RASA1: variants seen among roughly 807,000 people sequenced by gnomAD.
The protein encoded by RASA1 is RAS p21 protein activator 1, also known as ras GTPase-activating protein 1.
A neutral mutation model predicts 132.2 loss-of-function variants in RASA1; 25 were observed. The ratio of observed to expected loss-of-function variants is 0.19; its 90% confidence interval spans 0.14 to 0.26. RASA1 has a LOEUF of 0.26. Ranked by LOEUF, RASA1 falls within the 10% of genes least tolerant of loss-of-function variation. The pLI, the probability that RASA1 is intolerant of heterozygous loss-of-function variation, is 1.00. For missense variants in RASA1, 964 were observed against 1,299.2 expected, an observed-to-expected ratio of 0.74 and a Z score of 3.97; for synonymous variants, 477 against 449.9, an observed-to-expected ratio of 1.06 and a Z score of -0.76.
chr5:87,346,252 A>C (rs1349896307), intron 6 of RASA1, among the ~76,000 whole-genome samples: 3 of 151,972 alleles, frequency 2.0e-5, no homozygotes, highest in African/African-American at 7.2e-5. Flanking sequence ...TCTTGATTTT[A>C]TTTGAGGAGA....
rs192617824 is a variant in RASA1, at chr5:87,294,963, A to G, written c.539+25973A>G. Among the ~76,000 whole-genome samples the G allele has an allele frequency of 2.0e-5, 3 of 152,272 alleles. No individual in the cohort carries two copies. The East Asian group carries it at 5.8e-4, about 29-fold the overall frequency. The stretch of plus-strand genomic sequence containing the variant: ...GAGCCATGTTGAAATCTCAACTCTA[A>G]TAGTGCATTTATGTATTTCCTCTTG... On this transcript the variant is annotated intron_variant, in intron 1 of 24. Transcript: ENST00000274376.
At chr5:87,296,657 C>CT (rs1755133753) in intron 1 of RASA1, among the ~76,000 whole-genome samples, 1 of 152,030 alleles carries the variant, frequency 6.6e-6, no homozygotes, top group Non-Finnish European at 1.5e-5. Context: ...TGCATTGTTT[C>CT]TAAGGAGAAG....
At chr5:87,377,513 T>C (rs1414521615) in intron 17 of RASA1, among the ~76,000 whole-genome samples, 3 of 152,102 alleles carry the variant, frequency 2.0e-5, no homozygotes, top group African/African-American at 7.2e-5. Flanking sequence ...TATTTTATTT[T>C]TTTAGTAGAG....
At chr5:87,341,428 T>A in intron 6 of RASA1, 107 bp downstream of exon 6, 2 of 633,706 alleles carry the variant, frequency 3.2e-6, no homozygotes, top group Non-Finnish European at 4.6e-6. Context: ...TGGACTGACT[T>A]AACTTTTAAA....
chr5:87,350,668 A>G (rs982009247), intron 8 of RASA1, among the ~76,000 whole-genome samples: 1 of 151,526 alleles, frequency 6.6e-6, no homozygotes, highest in African/African-American at 2.4e-5. Flanking sequence ...GAAGTATTTT[A>G]AGTAGATTTC....
chr5:87,372,230 C>T (rs767775204), intron 13 of RASA1, 35 bp downstream of exon 13: 1 of 1,571,944 alleles, frequency 6.4e-7, no homozygotes. Flanking sequence ...TTAATTGTCA[C>T]ATTTTGCTCT....
At chr5:87,338,536 A>ATT (rs1232583853) in intron 5 of RASA1, among the ~76,000 whole-genome samples, 6,371 of 84,936 alleles carry the variant, frequency 0.075, 509 homozygotes, top group Non-Finnish European at 0.1. Flanking sequence ...TATATATAAA[A>ATT]TTTTTTTTTT....
intron 1 of RASA1, chr5:87,318,662 C>T (rs946188984): frequency 1.3e-5 from 2 of 152,232 alleles, no homozygotes; most frequent in Non-Finnish European, 2.9e-5. Flanking sequence ...ATCCAATCAC[C>T]TCCTACCAGG....
At chr5:87,274,572 A>G (rs1187876583) in intron 1 of RASA1, among the ~76,000 whole-genome samples, 1 of 152,178 alleles carries the variant, frequency 6.6e-6, no homozygotes, top group African/African-American at 2.4e-5. Flanking sequence ...TTGCAAGAGT[A>G]AAATGCCCCT....
intron 11 of RASA1, chr5:87,366,347 AC>A (rs1350231354): frequency 7.0e-6 from 3 of 430,614 alleles, no homozygotes; most frequent in African/African-American, 6.1e-5. Context: ...GTTTATATGA[AC>A]AGATGCAGTT....
chr5:87,282,401 T>A (rs1754357330), intron 1 of RASA1, among the ~76,000 whole-genome samples: 1 of 152,248 alleles, frequency 6.6e-6, no homozygotes, highest in African/African-American at 2.4e-5. Context: ...TTTTCTTCTG[T>A]CCTTTGTGGT....
intron 6 of RASA1, among the ~76,000 whole-genome samples, chr5:87,345,857 C>T (rs936899650): frequency 2.6e-5 from 4 of 151,938 alleles, no homozygotes; most frequent in Admixed American, 6.6e-5. Context: ...GATAGGTGAT[C>T]GGGAATTGTC....
intron 8 of RASA1, among the ~76,000 whole-genome samples, chr5:87,350,772 G>C (rs979300523): frequency 2.7e-5 from 4 of 150,564 alleles, no homozygotes; most frequent in Admixed American, 1.3e-4. Flanking sequence ...CATTCCCCCA[G>C]AACTTTGATT....
At position 87,362,667 on chromosome 5, in the gene RASA1, A is replaced by G; in HGVS notation, c.1449A>G (p.Lys483=). The G allele has an allele frequency of 6.2e-7, 1 of 1,606,016 alleles. No individual in the cohort carries two copies. Among genetic ancestry groups the G allele is most frequent in the South Asian group, 1.1e-5 (1 of 90,872 alleles). ...TTGTTAAGAAAGGTTATCTTCTGAA[A>G]AAGGGTAAGTTCAGACTTTTATCAT... The part of the protein sequence containing the change: ...KNIVKKGYLL[K]KGKGKRWKNL... Residue 483 remains lysine, a synonymous_variant, in exon 10 of 25, where the codon AAA becomes AAG. Transcript: ENST00000274376.
At chr5:87,339,080 T>A (rs1758251216) in intron 5 of RASA1, among the ~76,000 whole-genome samples, 1 of 152,168 alleles carries the variant, frequency 6.6e-6, no homozygotes, top group South Asian at 2.1e-4. Context: ...TTCTGTTGTC[T>A]TTTACAGCCT....
In RASA1 at chr5:87,365,384, G is replaced by A. The variant is rs142092298; in HGVS notation, c.1610+1880G>A. Among the ~76,000 whole-genome samples the A allele has an allele frequency of 3.3e-3, 501 of 152,156 alleles. 4 individuals carry two copies. Among genetic ancestry groups the A allele is most frequent in the African/African-American group, 0.012 (479 of 41,542 alleles). ...AGCTCTTTATAGTGGCTATACCTCA[G>A]TACTTCCTACTTTCTTGTTCAATCA... On this transcript the variant is annotated intron_variant, in intron 11 of 24. Transcript: ENST00000274376.
At position 87,376,903 on chromosome 5, in the gene RASA1, A is replaced by G. The variant is rs1403332745; in HGVS notation, c.2207A>G (p.His736Arg). ...FKELILQKEL[H>R]VVYALSHVCG... Reference sequence around the variant, plus strand: ...TAGCTTATACTGCAAAAGGAACTTCATGTAGTCTATGCTTTATCACATGTA... The same window carrying G: ...TAGCTTATACTGCAAAAGGAACTTCGTGTAGTCTATGCTTTATCACATGTA... The change falls in exon 17 of 25, where the codon CAT becomes CGT. Residue 736 changes from histidine (H) to arginine (R), a missense_variant. Transcript: ENST00000274376. 6.2e-7 allele frequency: 1 copy of G among 1,608,788 alleles called. No homozygotes were observed. Among genetic ancestry groups the G allele is most frequent in the African/African-American group, 1.3e-5 (1 of 74,938 alleles).
chr5:87,345,079 T>G (rs961105445), intron 6 of RASA1, among the ~76,000 whole-genome samples: 4 of 152,044 alleles, frequency 2.6e-5, no homozygotes, highest in Non-Finnish European at 5.9e-5. Context: ...GCTCAAGAGA[T>G]CCTCCTGCCT....
intron 1 of RASA1, among the ~76,000 whole-genome samples, chr5:87,312,239 A>G (rs945301662): frequency 2.0e-5 from 3 of 152,214 alleles, no homozygotes; most frequent in East Asian, 1.9e-4. Context: ...AATAGTCTTC[A>G]TATACTATGA....
Sources: allele counts gnomAD v4.1 joint callset (sites outside exome capture counted in the v4.1 genomes callset), GRCh38; gene constraint gnomAD v4.1.1; transcripts MANE v1.5; gene names NCBI Gene and HGNC (gene_info 2026-07-23, HGNC 2026-07-21).